The following USP6NL variants were observed in gnomAD, a reference collection of about 807,000 sequenced individuals.
USP6NL encodes USP6 N-terminal like.
Under a neutral mutation model 61.9 loss-of-function variants are expected in USP6NL, and 26 were observed. That is an observed-to-expected ratio of 0.42 (90% confidence interval 0.31 to 0.58). USP6NL has a LOEUF of 0.58. Ranked by LOEUF, USP6NL falls within the 20% of genes least tolerant of loss-of-function variation. The pLI, the probability that USP6NL is intolerant of heterozygous loss-of-function variation, is 0.16. For missense variants in USP6NL, 1,114 were observed against 1,034.3 expected, an observed-to-expected ratio of 1.08 and a Z score of -1.06; for synonymous variants, 432 against 390.1, an observed-to-expected ratio of 1.11 and a Z score of -1.27.
rs71477267 is a variant in USP6NL at position 11,555,451 on chromosome 10, T to TAGAGAG, written c.5-27890_5-27885dup. Among the ~76,000 whole-genome samples the TAGAGAG allele has an allele frequency of 1.7e-3, 101 of 60,996 alleles. 4 individuals are homozygous for TAGAGAG. The highest frequency in any genetic ancestry group is 2.1e-3 in the Admixed American group (9 of 4,218). The allele number at this position is 60,996 out of a possible 152,430, so 40.0% of individuals were successfully genotyped here. A position where few individuals can be genotyped will look rare whatever the true frequency, so the allele number is the denominator to read the frequency against. The stretch of plus-strand genomic sequence containing the variant: ...AAAAAAAAATATATATATATATATA[T>TAGAGAG]AGAGAGAGAGAGAGAGAGAAAGAGA... On this transcript the variant is annotated intron_variant, in intron 2 of 14. Transcript: ENST00000609104.
intron 2 of USP6NL, among the ~76,000 whole-genome samples, chr10:11,554,334 T>C (rs752599379): frequency 4.6e-5 from 7 of 152,176 alleles, no homozygotes; most frequent in Non-Finnish European, 7.3e-5. Flanking sequence ...CAACCCAAAA[T>C]CTGAGCCCTT....
At chr10:11,509,409 A>G (rs1021720489) in intron 6 of USP6NL, among the ~76,000 whole-genome samples, 186 bp downstream of exon 6, 4 of 152,190 alleles carry the variant, frequency 2.6e-5, no homozygotes, top group Non-Finnish European at 5.9e-5. Context: ...GTCGAAACCA[A>G]TCCGAATCGG....
intron 7 of USP6NL, among the ~76,000 whole-genome samples, chr10:11,494,916 A>G (rs932106839): frequency 2.0e-5 from 3 of 152,166 alleles, no homozygotes; most frequent in Admixed American, 6.5e-5. Context: ...AGGCCTCCGG[A>G]TAACTGCAGG....
At chr10:11,576,778 A>T (rs1837561297) in intron 2 of USP6NL, among the ~76,000 whole-genome samples, 1 of 152,212 alleles carries the variant, frequency 6.6e-6, no homozygotes, top group Admixed American at 6.5e-5. Context: ...CTGATATCTA[A>T]TAGAAAAAAA....
At position 11,496,786 on chromosome 10, in the gene USP6NL, G is replaced by A. The variant is rs1480444465; in HGVS notation, c.385-3558C>T. On this transcript the variant is annotated intron_variant, in intron 7 of 14. Coordinates refer to ENST00000609104, the MANE Select transcript of USP6NL (RefSeq NM_014688.5). This position sits in a 1 kb window ranked among gnomAD's most constrained non-coding sequence, Gnocchi z 5.4. ...GGGGATGTCTATTATAAGGCTATCTGGGCATGTCTAGAATAAGGCTATTTG... is the reference window on the plus strand; with the variant it reads ...GGGGATGTCTATTATAAGGCTATCTAGGCATGTCTAGAATAAGGCTATTTG... Among the ~76,000 whole-genome samples the A allele has an allele frequency of 6.6e-6, 1 of 152,034 alleles. No homozygotes were observed. The highest frequency in any genetic ancestry group is 1.9e-4 in the East Asian group (1 of 5,186).
intron 2 of USP6NL, among the ~76,000 whole-genome samples, chr10:11,580,440 G>A (rs1183455014): frequency 6.6e-6 from 1 of 152,104 alleles, no homozygotes; most frequent in Non-Finnish European, 1.5e-5. Flanking sequence ...TTTGCAATGT[G>A]TATTATTTAT....
chr10:11,497,727 G>GT (rs1833998742), intron 7 of USP6NL, among the ~76,000 whole-genome samples: 1 of 152,098 alleles, frequency 6.6e-6, no homozygotes, highest in African/African-American at 2.4e-5. Flanking sequence ...GTCCTAAAAT[G>GT]TTTATAAGCT....
At chr10:11,545,519 A>G (rs1169997217) in intron 2 of USP6NL, among the ~76,000 whole-genome samples, 1 of 152,204 alleles carries the variant, frequency 6.6e-6, no homozygotes, top group Non-Finnish European at 1.5e-5. Flanking sequence ...TTACCACCGC[A>G]GTCATCTGTA....
At chr10:11,488,177 T>C (rs1277405860) in intron 10 of USP6NL, among the ~76,000 whole-genome samples, 6 of 152,164 alleles carry the variant, frequency 3.9e-5, no homozygotes, top group African/African-American at 1.2e-4. Context: ...TTTGGGAGGC[T>C]GAGGCGGGAG....
At chr10:11,571,705 T>G (rs969776568) in intron 2 of USP6NL, among the ~76,000 whole-genome samples, 4 of 151,568 alleles carry the variant, frequency 2.6e-5, no homozygotes, top group African/African-American at 9.7e-5. Context: ...CCATATGACT[T>G]TTTTTTTCAA....
intron 2 of USP6NL, among the ~76,000 whole-genome samples, chr10:11,557,761 T>A (rs1373700492): frequency 6.6e-6 from 1 of 152,096 alleles, no homozygotes; most frequent in Non-Finnish European, 1.5e-5. Flanking sequence ...AGTGCACACA[T>A]GGCATACTAC....
Position 11,463,959 on chromosome 10 carries a change from C to T in USP6NL, c.1079-110G>A, listed in dbSNP as rs1057015388. On this transcript the variant is annotated intron_variant, in intron 14 of 14. Coordinates refer to ENST00000609104, the MANE Select transcript of USP6NL (RefSeq NM_014688.5). This position sits in a 1 kb window ranked among gnomAD's most constrained non-coding sequence, Gnocchi z 6.3. Reference sequence around the variant, plus strand: ...CTTTTCATCTGTGCACAGATACACGCTGACATACAACACACTGTCATACAA... The same window carrying T: ...CTTTTCATCTGTGCACAGATACACGTTGACATACAACACACTGTCATACAA... 2.0e-6 allele frequency: 2 copies of T among 1,008,604 alleles called. No homozygotes were observed. The highest frequency in any genetic ancestry group is 2.2e-4 in the Middle Eastern group (1 of 4,484). The allele number at this position is 1,008,604 out of a possible 1,614,324, so 62.5% of individuals were successfully genotyped here.
At chr10:11,543,827 T>G (rs1253357158) in intron 2 of USP6NL, among the ~76,000 whole-genome samples, 3 of 142,214 alleles carry the variant, frequency 2.1e-5, no homozygotes, top group African/African-American at 7.9e-5. Context: ...TTTTTTTTTT[T>G]TTTGAGATGG....
intron 13 of USP6NL, among the ~76,000 whole-genome samples, chr10:11,483,525 A>G (rs115240213): frequency 0.063 from 3,802 of 60,096 alleles, 362 homozygotes; most frequent in East Asian, 0.4. Context: ...GGAGAGGAGA[A>G]GAGAGAGAGG....
At chr10:11,559,572 C>CAT (rs34720596) in intron 2 of USP6NL, among the ~76,000 whole-genome samples, 18,090 of 151,768 alleles carry the variant, frequency 0.12, 1,336 homozygotes, top group East Asian at 0.16. Context: ...TCCAAACATA[C>CAT]ATATATATAT....
At position 11,575,170 on chromosome 10, in the gene USP6NL, GT is replaced by G. The variant is rs1837498951; in HGVS notation, c.4+22460del. On this transcript the variant is annotated intron_variant, in intron 2 of 14. Coordinates refer to ENST00000609104, the MANE Select transcript of USP6NL (RefSeq NM_014688.5). The surrounding 1 kb of genome is among the most constrained non-coding windows in gnomAD (Gnocchi z 4.2). ...AGAGTTCAGATGGGTCAAAGACTAA[GT>G]TTTAAACCTCAAGTCAAAACTGTGA... Among the ~76,000 whole-genome samples, 1 of 152,186 alleles carries G rather than the reference GT, an allele frequency of 6.6e-6. No individual in the cohort carries two copies.
chr10:11,571,361 C>T (rs2133571736), intron 2 of USP6NL, among the ~76,000 whole-genome samples: 1 of 152,266 alleles, frequency 6.6e-6, no homozygotes, highest in South Asian at 2.1e-4. Flanking sequence ...GCTGGGATTA[C>T]AGACATAAGC....
chr10:11,482,704 G>T lies in USP6NL; in HGVS notation c.926-782C>A, dbSNP rs1833251171. The stretch of plus-strand genomic sequence containing the variant: ...GTCTTCTATTAATGGTCATTTAGGT[G>T]GTTTTTGATTTTTTATTATTTAAAA... On this transcript the variant is annotated intron_variant, in intron 13 of 14. Transcript: ENST00000609104. This position sits in a 1 kb window ranked among gnomAD's most constrained non-coding sequence, Gnocchi z 4.0. Among the ~76,000 whole-genome samples the T allele has an allele frequency of 6.6e-6, 1 of 151,950 alleles. No homozygotes were observed. The highest frequency in any genetic ancestry group is 2.1e-4 in the South Asian group (1 of 4,820).
rs1833209202 is a variant in USP6NL, at chr10:11,481,783, G to T, written c.1065C>A (p.Asp355Glu). Residue 355 changes from aspartate to glutamate, a missense_variant, in exon 14 of 15, where the codon GAC becomes GAA. Asp to Glu is a conservative substitution (Grantham distance 45). Transcript: ENST00000609104. The surrounding 1 kb of genome is among the most constrained non-coding windows in gnomAD (Gnocchi z 4.4). ...GGTAATTCTTACCAGGTTCTGGAAG[G>T]TCTAACTTTGCCCGCTTTAGTTCTG... ...SMTELKRAKL[D>E]LPEPGKEDEY... 5.0e-6 allele frequency: 8 copies of T among 1,611,554 alleles called. No homozygotes were observed. The highest frequency in any genetic ancestry group is 5.9e-6 in the Non-Finnish European group (7 of 1,179,126).
Sources: gnomAD v4.1 joint callset for allele counts (sites outside exome capture counted in the v4.1 genomes callset) on GRCh38, gnomAD v4.1.1 for gene constraint, Gnocchi (gnomAD v3.1) non-coding constraint, MANE v1.5 for transcripts, NCBI Gene and HGNC (gene_info 2026-07-23, HGNC 2026-07-21) for gene names.